WDFY3: variants seen among roughly 807,000 people sequenced by gnomAD.
WDFY3 encodes the protein WD repeat and FYVE domain containing 3, also known as WD repeat and FYVE domain-containing protein 3.
Under a neutral mutation model 409.6 loss-of-function variants are expected in WDFY3, and 66 were observed. That is an observed-to-expected ratio of 0.16 (90% confidence interval 0.13 to 0.20). The LOEUF (loss-of-function observed/expected upper bound fraction) is 0.20, where lower values mean the gene tolerates loss of function less well. WDFY3 is among the 10% of genes least tolerant of loss of function. The pLI is 1.00. For missense variants in WDFY3, 3,031 were observed against 4,298.1 expected (o/e 0.71, Z 8.24); for synonymous variants, 1,521 against 1,537.1 (o/e 0.99, Z 0.25).
At position 84,829,129 on chromosome 4, in the gene WDFY3, T is replaced by C. The variant is rs753276458; in HGVS notation, c.831A>G (p.Leu277=). The C allele has an allele frequency of 1.1e-5, 18 of 1,613,538 alleles. No individual in the cohort carries two copies. The South Asian group carries it at 1.6e-4, about 15-fold the overall frequency. Residue 277 remains leucine (L), a synonymous_variant, in exon 9 of 68, where the codon CTA becomes CTG. Transcript: ENST00000295888. ...NMQQSDDLSP[L]EIVEMFAGLS... is the part of the protein sequence containing the mutation. ...GCCCAGCAAACATTTCGACAATTTC[T>C]AGGGGAGACAGGTCATCTGATTGCT...
At position 84,691,873 on chromosome 4, in the gene WDFY3, A is replaced by G. The variant is rs919489807; in HGVS notation, c.9050-88T>C. ...GAGCATGATAATTTCAAATATTCAT[A>G]TAAATCAAGCATCCTGATACCTACG... On this transcript the variant is annotated intron_variant, in intron 59 of 67. Transcript: ENST00000295888. 1.6e-5 allele frequency: 20 copies of G among 1,290,018 alleles called. No individual in the cohort carries two copies. In the Admixed American group the frequency reaches 3.3e-4, roughly 21 times the overall value. 79.9% of individuals were successfully genotyped at this position (1,290,018 alleles called of 1,614,324 possible).
intron 1 of WDFY3, among the ~76,000 whole-genome samples, chr4:84,964,456 A>G (rs568580220): frequency 3.9e-5 from 6 of 152,356 alleles, no homozygotes; most frequent in East Asian, 1.9e-4. Flanking sequence ...GCAACAGGGC[A>G]AGACCCTGTC....
intron 10 of WDFY3, among the ~76,000 whole-genome samples, chr4:84,824,870 T>A (rs974147553): frequency 4.6e-5 from 7 of 152,168 alleles, no homozygotes; most frequent in Non-Finnish European, 1.0e-4. Context: ...AACAGAAAAT[T>A]TTGAGTTATA....
chr4:84,751,393 G>A, intron 36 of WDFY3, 90 bp downstream of exon 36: 3 of 1,340,432 alleles, frequency 2.2e-6, no homozygotes, highest in South Asian at 1.3e-5. Context: ...AGAGGAATTA[G>A]AAATCCTTGT....
chr4:84,797,799 C>A (rs1213406100), intron 18 of WDFY3, among the ~76,000 whole-genome samples, 197 bp downstream of exon 18: 1 of 151,866 alleles, frequency 6.6e-6, no homozygotes. Flanking sequence ...TCTCGAACTC[C>A]CGACCTCGTG....
chr4:84,678,312 T>C (rs768712314), intron 65 of WDFY3, 33 bp from the exon 66 acceptor site: 51 of 1,536,772 alleles, frequency 3.3e-5, no homozygotes, highest in Admixed American at 1.7e-5. Flanking sequence ...ACAACATAAC[T>C]CAACTGAGAG....
At chr4:84,719,793 G>C (rs1475255566) in intron 47 of WDFY3, among the ~76,000 whole-genome samples, 1 of 152,146 alleles carries the variant, frequency 6.6e-6, no homozygotes, top group Non-Finnish European at 1.5e-5. Context: ...CCAAGAAACA[G>C]AATGCTCCCC....
At chr4:84,877,176 T>G (rs2150363663) in intron 3 of WDFY3, among the ~76,000 whole-genome samples, 1 of 152,302 alleles carries the variant, frequency 6.6e-6, no homozygotes, top group South Asian at 2.1e-4. Context: ...TGCCCTACTA[T>G]TCTACTTTAA....
intron 1 of WDFY3, among the ~76,000 whole-genome samples, chr4:84,935,082 C>T (rs1302100415): frequency 6.6e-6 from 1 of 152,156 alleles, no homozygotes; most frequent in African/African-American, 2.4e-5. Flanking sequence ...AATAATACTG[C>T]ATTGTACAAA....
At chr4:84,685,076 G>A (rs949944436) in intron 62 of WDFY3, among the ~76,000 whole-genome samples, 4 of 152,154 alleles carry the variant, frequency 2.6e-5, no homozygotes, top group Admixed American at 1.3e-4. Context: ...ATACCATACC[G>A]TGCTGCCTCT....
At chr4:84,883,914 A>G (rs1763864261) in intron 3 of WDFY3, among the ~76,000 whole-genome samples, 1 of 152,146 alleles carries the variant, frequency 6.6e-6, no homozygotes, top group Admixed American at 6.5e-5. Context: ...ACCCCTAAAA[A>G]GCAGACGTAA....
intron 4 of WDFY3, among the ~76,000 whole-genome samples, chr4:84,854,202 G>A (rs1759432430): frequency 1.3e-5 from 2 of 152,132 alleles, no homozygotes; most frequent in East Asian, 1.9e-4. Context: ...AAAGAGGGTT[G>A]CAGGCAGTGA....
intron 32 of WDFY3, among the ~76,000 whole-genome samples, chr4:84,760,710 G>C (rs1320638899): frequency 2.7e-5 from 4 of 148,284 alleles, no homozygotes; most frequent in African/African-American, 9.9e-5. Flanking sequence ...TTCTTTATTA[G>C]TCTTGCTAGC....
chr4:84,862,715 C>T (rs919813275), intron 3 of WDFY3, among the ~76,000 whole-genome samples: 4 of 152,162 alleles, frequency 2.6e-5, no homozygotes, highest in South Asian at 2.1e-4. Context: ...CTGCTGGGCG[C>T]GGCGGCTGAC....
At chr4:84,939,749 G>T (rs919674757) in intron 1 of WDFY3, among the ~76,000 whole-genome samples, 2 of 151,322 alleles carry the variant, frequency 1.3e-5, no homozygotes, top group African/African-American at 4.9e-5. Context: ...CTATTTTCTC[G>T]CATTGAAAAA....
chr4:84,696,931 C>T (rs1578165655), intron 56 of WDFY3, 108 bp from the exon 57 acceptor site: 2 of 906,808 alleles, frequency 2.2e-6, no homozygotes, highest in Non-Finnish European at 3.4e-6. Context: ...TACCAGAACG[C>T]TAAAATTGTA....
At chr4:84,936,785 C>T (rs1274248861) in intron 1 of WDFY3, among the ~76,000 whole-genome samples, 2 of 151,968 alleles carry the variant, frequency 1.3e-5, no homozygotes, top group East Asian at 3.9e-4. Flanking sequence ...AAGAGAACTT[C>T]CAGAATCTCT....
intron 36 of WDFY3, among the ~76,000 whole-genome samples, chr4:84,745,085 G>A (rs554112094): frequency 8.6e-5 from 13 of 151,974 alleles, no homozygotes; most frequent in African/African-American, 3.1e-4. Flanking sequence ...AAGTTAAACT[G>A]TAGTCTACTG....
chr4:84,948,107 G>A (rs577104609), intron 1 of WDFY3, among the ~76,000 whole-genome samples: 7 of 152,194 alleles, frequency 4.6e-5, no homozygotes, highest in African/African-American at 1.7e-4. Flanking sequence ...AAGGTGTGGA[G>A]GTTCTCATTT....
Sources: gnomAD v4.1 joint callset for allele counts (sites outside exome capture counted in the v4.1 genomes callset) on GRCh38, gnomAD v4.1.1 for gene constraint, MANE v1.5 for transcripts, NCBI Gene and HGNC (gene_info 2026-07-23, HGNC 2026-07-21) for gene names.